Variants in TYRO3 observed in about 807,000 individuals in gnomAD.
TYRO3 encodes tyrosine-protein kinase receptor TYRO3.
Under a neutral mutation model 95.2 loss-of-function variants are expected in TYRO3, and 38 were observed. The ratio of observed to expected loss-of-function variants is 0.40; its 90% CI spans 0.31 to 0.52. TYRO3 has a LOEUF of 0.52. Among genes scored for constraint, TYRO3 ranks in the 20% least tolerant of loss-of-function variants. TYRO3 has a pLI of 0.56. For missense variants in TYRO3, 812 were observed against 1,116.4 expected, an observed-to-expected ratio of 0.73 and a Z score of 3.89; for synonymous variants, 367 against 432.9, an observed-to-expected ratio of 0.85 and a Z score of 1.89.
At chr15:41,577,781 C>T in intron 18 of TYRO3, 105 bp from the exon 19 acceptor site, 3 of 1,227,860 alleles carry the variant, frequency 2.4e-6, no homozygotes, top group Non-Finnish European at 3.4e-6. Context: ...CCGCTGTGCC[C>T]CACCAGGGAA....
chr15:41,571,810 A>G, intron 14 of TYRO3, 123 bp downstream of exon 14: 1 of 615,330 alleles, frequency 1.6e-6, no homozygotes, highest in Non-Finnish European at 2.9e-6. Context: ...ATGGCAAAAT[A>G]GCAAGGAGGG....
Position 41,565,015 on chromosome 15 carries a change from CCCG to C in TYRO3, c.668-10_668-8del. On this transcript the variant is annotated splice_region_variant and splice_polypyrimidine_tract_variant and intron_variant, in intron 5 of 18. Transcript: ENST00000263798. ...CCCTACTGGGCACTGATTCTGAGTC[CCCG>C]TCCACAGCACTGCCTGCAGCCCCCT... 3.1e-6 allele frequency: 4 copies of C among 1,278,648 alleles called. No individual in the cohort carries two copies. The highest frequency in any genetic ancestry group is 3.4e-6 in the Non-Finnish European group (3 of 887,170). The allele number at this position is 1,278,648 out of a possible 1,614,324, so 79.2% of individuals were successfully genotyped here. A position where few individuals can be genotyped will look rare whatever the true frequency, so the allele number is the denominator to read the frequency against.
chr15:41,562,440 T>C, intron 3 of TYRO3, 108 bp from the exon 4 acceptor site: 1 of 1,222,912 alleles, frequency 8.2e-7, no homozygotes, highest in Non-Finnish European at 1.1e-6. Context: ...ATAAGGGGCC[T>C]GTGGGAACCT....
chr15:41,572,810 G>T (rs377322883), intron 15 of TYRO3, among the ~76,000 whole-genome samples, 192 bp from the exon 16 acceptor site: 20 of 152,318 alleles, frequency 1.3e-4, no homozygotes, highest in African/African-American at 4.3e-4. Context: ...GCCCCAGGGT[G>T]GGGGAGTCTC....
chr15:41,564,444 C>T (rs1053251179), intron 5 of TYRO3, among the ~76,000 whole-genome samples, 174 bp downstream of exon 5: 2 of 152,120 alleles, frequency 1.3e-5, no homozygotes, highest in South Asian at 2.1e-4. Context: ...TGAGACCCTG[C>T]GTGGCTGAGA....
chr15:41,564,352 G>A, intron 5 of TYRO3, 82 bp downstream of exon 5: 1 of 1,361,112 alleles, frequency 7.3e-7, no homozygotes, highest in African/African-American at 1.4e-5. Context: ...ATCATTCTGT[G>A]TTCCAGCTCC....
At position 41,569,032 on chromosome 15, in the gene TYRO3, G is replaced by A. The variant is rs772028578; in HGVS notation, c.1252+10G>A. ...TCTCATGACCGTGCAGGTGAGGCTTGTAGGTGGAGAGGGGCAGAGGCTCAG... is the reference window on the plus strand; with the variant it reads ...TCTCATGACCGTGCAGGTGAGGCTTATAGGTGGAGAGGGGCAGAGGCTCAG... On this transcript the variant is annotated intron_variant, in intron 9 of 18. Transcript: ENST00000263798. The A allele has an allele frequency of 5.0e-6, 8 of 1,613,468 alleles. No homozygotes were observed. The highest frequency in any genetic ancestry group is 5.9e-6 in the Non-Finnish European group (7 of 1,179,986).
chr15:41,559,763 A>T (rs2052139926), intron 1 of TYRO3, among the ~76,000 whole-genome samples: 1 of 152,110 alleles, frequency 6.6e-6, no homozygotes, highest in Admixed American at 6.5e-5. Context: ...CTCGGAAACC[A>T]CACGGGCCGG....
intron 1 of TYRO3, among the ~76,000 whole-genome samples, chr15:41,560,428 T>TGTGTGTGTGTGTGTGTGCGC (rs1408766845): frequency 7.4e-6 from 1 of 135,256 alleles, no homozygotes; most frequent in Non-Finnish European, 1.6e-5. Flanking sequence ...TGTGTGTGTG[T>TGTGTGTGTGTGTGTGTGCGC]GCGCGCGCGC....
At chr15:41,577,421 G>T (rs2055874042) in intron 18 of TYRO3, 1 of 152,392 alleles carries the variant, frequency 6.6e-6, no homozygotes, top group South Asian at 2.1e-4. Flanking sequence ...CACCTCCTGG[G>T]TTCAAGCGAT....
chr15:41,560,388 C>CGTGTGTGTGT (rs1177291795), intron 1 of TYRO3, among the ~76,000 whole-genome samples: 41 of 72,106 alleles, frequency 5.7e-4, no homozygotes, highest in Admixed American at 1.8e-3. Flanking sequence ...AGGAGAGGTG[C>CGTGTGTGTGT]GTGTATGTGT....
At chr15:41,567,036 C>T (rs552216079) in intron 6 of TYRO3, among the ~76,000 whole-genome samples, 62 of 152,066 alleles carry the variant, frequency 4.1e-4, no homozygotes, top group African/African-American at 1.3e-3. Context: ...CTAAGAGTTT[C>T]GTACCAAGTA....
At position 41,578,417 on chromosome 15, in the gene TYRO3, C is replaced by T. The variant is rs1443851285; in HGVS notation, c.*141C>T. On this transcript the variant is annotated 3_prime_UTR_variant, in exon 19 of 19. Coordinates refer to ENST00000263798, the MANE Select transcript of TYRO3 (RefSeq NM_006293.4). ...TCCTCCCAAGCTGTGCTGGGAAGCC[C>T]GGACTGACCAAATCACCCAATCCCA... 3.1e-5 allele frequency: 34 copies of T among 1,111,670 alleles called. No homozygotes were observed. The highest frequency in any genetic ancestry group is 7.9e-5 in the East Asian group (3 of 38,206). 68.9% of individuals were successfully genotyped at this position (1,111,670 alleles called of 1,614,324 possible).
chr15:41,570,966 G>A (rs2055787817), intron 12 of TYRO3, 72 bp from the exon 13 acceptor site: 1 of 1,489,910 alleles, frequency 6.7e-7, no homozygotes, highest in Non-Finnish European at 9.3e-7. Context: ...TCCCATGGAG[G>A]GTCACTTGGG....
intron 18 of TYRO3, among the ~76,000 whole-genome samples, chr15:41,574,940 C>T (rs999654076): frequency 2.0e-5 from 3 of 152,168 alleles, no homozygotes; most frequent in Admixed American, 2.0e-4. Context: ...GCTGGTCTTG[C>T]GCTCCTGGGC....
At chr15:41,570,180 G>A (rs2055776835) in intron 10 of TYRO3, 24 bp downstream of exon 10, 1 of 991,142 alleles carries the variant, frequency 1.0e-6, no homozygotes, top group East Asian at 2.3e-5. Flanking sequence ...GATGTGGAGG[G>A]AGAGGCAGGT....
At position 41,567,515 on chromosome 15, in the gene TYRO3, G is replaced by A. The variant is rs55959964; in HGVS notation, c.939G>A (p.Val313=). 1.1e-3 allele frequency: 1,688 copies of A among 1,582,566 alleles called. 12 individuals carry two copies. The highest frequency in any genetic ancestry group is 1.1e-4 in the Non-Finnish European group (130 of 1,168,166). ...ALGPSPYADW[V]PFQTKGLAPA... ...GGCCCTCTCCCTATGCTGACTGGGT[G>A]CCCTTTCAGACCAAGGGTCTAGGTA... is the stretch of plus-strand genomic sequence containing the variant. The change falls in exon 7 of 19, where the codon GTG becomes GTA. Residue 313 remains valine (V), a synonymous_variant. Coordinates refer to ENST00000263798, the MANE Select transcript of TYRO3 (RefSeq NM_006293.4).
Position 41,573,458 on chromosome 15 carries a change from GAGTGACGT to G in TYRO3, c.2137_2144del (p.Ser713ValfsTer25). The G allele has an allele frequency of 6.2e-7, 1 of 1,614,264 alleles. No homozygotes were observed. Among genetic ancestry groups the G allele is most frequent in the Non-Finnish European group, 8.5e-7 (1 of 1,180,050 alleles). On this transcript the variant is annotated frameshift_variant and splice_region_variant, in exon 17 of 19. Coordinates refer to ENST00000263798, the MANE Select transcript of TYRO3 (RefSeq NM_006293.4). LOFTEE classifies it high-confidence loss of function. ...TGGCCGACAACCTGTATACTGTGCA[GAGTGACGT>G]GGTGAGCAGGGTGGCCCGTGAAGCT...
chr15:41,578,217 A>C lies in TYRO3; in HGVS notation c.2614A>C (p.Asn872His), dbSNP rs779329404. 1 of 1,613,792 alleles carries C rather than the reference A, an allele frequency of 6.2e-7. No homozygotes were observed. Among genetic ancestry groups the C allele is most frequent in the Non-Finnish European group, 8.5e-7 (1 of 1,180,030 alleles). ...AGAGCACCAGCCAGAGAGTCCCCTC[A>C]ATGAGACACAGAGGCTTTTGCTGCT... ...QAEHQPESPL[N>H]ETQRLLLLQQ... is the part of the protein sequence containing the mutation. Residue 872 changes from asparagine to histidine, a missense_variant, in exon 19 of 19, where the codon AAT (asparagine) becomes CAT (histidine). Coordinates refer to ENST00000263798, the MANE Select transcript of TYRO3 (RefSeq NM_006293.4).
Sources: allele counts gnomAD v4.1 joint callset (sites outside exome capture counted in the v4.1 genomes callset), GRCh38; gene constraint gnomAD v4.1.1; transcripts MANE v1.5; gene names NCBI Gene and HGNC (gene_info 2026-07-23, HGNC 2026-07-21).